FLT3: variants seen among roughly 807,000 people sequenced by gnomAD.
FLT3 encodes fms related receptor tyrosine kinase 3, also known as receptor-type tyrosine-protein kinase FLT3.
Under a neutral mutation model 126.6 loss-of-function variants are expected in FLT3, and 46 were observed. The ratio of observed to expected loss-of-function variants is 0.36; its 90% CI spans 0.29 to 0.46. FLT3 has a LOEUF of 0.46. FLT3 is among the 20% of genes least tolerant of loss of function. The probability of loss-of-function intolerance (pLI) is 1.00; values close to 1 mark genes in which losing one functional copy is unlikely to be tolerated. For synonymous variants in FLT3, 404 were observed against 434.4 expected (o/e 0.93, Z 0.87); for missense variants, 1,069 against 1,190.3 (o/e 0.90, Z 1.50).
At chr13:28,012,997 C>T (rs1038309716) in intron 23 of FLT3, among the ~76,000 whole-genome samples, 29 of 151,810 alleles carry the variant, frequency 1.9e-4, no homozygotes, top group African/African-American at 6.8e-4. Flanking sequence ...CTTTCTTTAC[C>T]AGCTCACTTC....
At chr13:28,090,895 C>G (rs1878987831) in intron 1 of FLT3, among the ~76,000 whole-genome samples, 1 of 152,114 alleles carries the variant, frequency 6.6e-6, no homozygotes, top group Non-Finnish European at 1.5e-5. Flanking sequence ...CAGTTCCAAA[C>G]ACATTCTGAG....
chr13:28,025,095 A>C, intron 17 of FLT3, 152 bp from the exon 18 acceptor site: 1 of 618,918 alleles, frequency 1.6e-6, no homozygotes, highest in Admixed American at 3.1e-5. Context: ...TTTTGTGTAC[A>C]TTAAAAACAT....
At chr13:28,018,151 G>A (rs1280434131) in intron 20 of FLT3, among the ~76,000 whole-genome samples, 2 of 152,138 alleles carry the variant, frequency 1.3e-5, no homozygotes, top group Non-Finnish European at 1.5e-5. Flanking sequence ...TTATAGCTAG[G>A]ATAACTGAAC....
chr13:28,091,260 C>A (rs551679867), intron 1 of FLT3, among the ~76,000 whole-genome samples: 5 of 108,628 alleles, frequency 4.6e-5, no homozygotes, highest in Admixed American at 1.4e-4. Context: ...CTCGCTCTGT[C>A]GCCCAGGCTG....
chr13:28,031,748 G>C (rs1177666334), intron 15 of FLT3, among the ~76,000 whole-genome samples: 2 of 152,152 alleles, frequency 1.3e-5, no homozygotes, highest in Non-Finnish European at 2.9e-5. Context: ...GGACAGTGCT[G>C]GGGGAACTGA....
intron 8 of FLT3, among the ~76,000 whole-genome samples, chr13:28,049,007 C>T (rs1393324937): frequency 6.6e-6 from 1 of 152,124 alleles, no homozygotes; most frequent in Admixed American, 6.5e-5. Flanking sequence ...CCTAACAGTG[C>T]GGTTAGTTGG....
intron 9 of FLT3, among the ~76,000 whole-genome samples, chr13:28,040,837 AT>A (rs35053802): frequency 3.4e-5 from 5 of 148,518 alleles, no homozygotes; most frequent in East Asian, 2.0e-4. Flanking sequence ...TCTCTACAGA[AT>A]TTTTTTTTTT....
In FLT3 at chr13:28,064,551, G is replaced by A. The variant is rs143284893; in HGVS notation, c.166-2482C>T. On this transcript the variant is annotated intron_variant, in intron 2 of 23. Coordinates refer to ENST00000241453, the MANE Select transcript of FLT3 (RefSeq NM_004119.3). ...GGCACTACTGTACTCCAGCCTGGGC[G>A]ACAGAGTGAGACTCCATCTCAAAAA... 7.4e-3 allele frequency among the ~76,000 whole-genome samples: 1,125 copies of A among 151,458 alleles called. 7 individuals carry two copies. Among genetic ancestry groups the A allele is most frequent in the Non-Finnish European group, 0.013 (860 of 67,888 alleles).
rs772078021 is a variant in FLT3, at chr13:28,062,007, G to A, written c.228C>T (p.Tyr76=). 11 of 1,613,122 alleles carry A rather than the reference G, an allele frequency of 6.8e-6. No homozygotes were observed. The highest frequency in any genetic ancestry group is 6.7e-5 in the East Asian group (3 of 44,882). Reference sequence around the variant, plus strand: ...CATCCACTTCCACAGCGGCAGCTTCGTACACTGTCCCTGAGCTCTGGGGTC... The same window carrying A: ...CATCCACTTCCACAGCGGCAGCTTCATACACTGTCCCTGAGCTCTGGGGTC... ...ALRPQSSGTV[Y]EAAAVEVDVS... is the part of the protein sequence containing the mutation. Residue 76 remains tyrosine (Y), a synonymous_variant, in exon 3 of 24, where the codon TAC becomes TAT. Coordinates refer to ENST00000241453, the MANE Select transcript of FLT3 (RefSeq NM_004119.3).
At chr13:28,085,658 A>G (rs965560242) in intron 1 of FLT3, among the ~76,000 whole-genome samples, 10 of 146,502 alleles carry the variant, frequency 6.8e-5, no homozygotes, top group Admixed American at 2.7e-4. Flanking sequence ...TTGATGAATC[A>G]AGCCTTATAA....
chr13:28,099,578 G>A (rs985673682), intron 1 of FLT3, among the ~76,000 whole-genome samples: 4 of 152,154 alleles, frequency 2.6e-5, no homozygotes, highest in Admixed American at 6.6e-5. Context: ...CGCGGAGGCC[G>A]GGGGAGGTGA....
Position 28,048,288 on chromosome 13 carries a change from C to A in FLT3, c.1192G>T (p.Asp398Tyr), listed in dbSNP as rs1875083719. The change falls in exon 9 of 24, where the codon GAT becomes TAT. Residue 398 changes from aspartate (D) to tyrosine (Y), a missense_variant. Physicochemically the swap from Asp to Tyr is radical, Grantham distance 160. Transcript: ENST00000241453. ...KSFPCEQKGLDNGYSISKFCN... is the reference protein window; with the variant it reads ...KSFPCEQKGLYNGYSISKFCN... ...TTGTGGTCTCACCTGTATCCGTTAT[C>A]AAGACCCTTTTGCTCACAAGGAAAT... The A allele has an allele frequency of 1.2e-6, 2 of 1,613,316 alleles. No homozygotes were observed. The highest frequency in any genetic ancestry group is 1.7e-5 in the Admixed American group (1 of 59,916).
At chr13:28,066,349 C>T (rs76280316) in intron 2 of FLT3, among the ~76,000 whole-genome samples, 4,403 of 152,272 alleles carry the variant, frequency 0.029, 115 homozygotes, top group Non-Finnish European at 0.044. Context: ...TGGGCACACC[C>T]AACTCTCAGA....
intron 1 of FLT3, among the ~76,000 whole-genome samples, chr13:28,087,979 T>C (rs190326394): frequency 9.8e-5 from 15 of 152,340 alleles, no homozygotes; most frequent in Admixed American, 6.5e-4. Context: ...TTTGATGTCA[T>C]TTCTGGGTCC....
intron 2 of FLT3, among the ~76,000 whole-genome samples, chr13:28,068,970 A>G (rs947999261): frequency 2.6e-5 from 4 of 152,176 alleles, no homozygotes; most frequent in Non-Finnish European, 5.9e-5. Context: ...GGAATAGCAC[A>G]AGAGAGGGGG....
At chr13:28,024,269 T>C (rs1013075085) in intron 18 of FLT3, among the ~76,000 whole-genome samples, 1 of 152,004 alleles carries the variant, frequency 6.6e-6, no homozygotes, top group Non-Finnish European at 1.5e-5. Flanking sequence ...GTAGCTGGGA[T>C]TGCAGGCGTG....
At chr13:28,084,390 G>A (rs757935407) in intron 1 of FLT3, among the ~76,000 whole-genome samples, 1 of 151,878 alleles carries the variant, frequency 6.6e-6, no homozygotes, top group Non-Finnish European at 1.5e-5. Flanking sequence ...AGTCTCACTC[G>A]TCACCCAGGG....
At chr13:28,052,857 G>A (rs1407380090) in intron 4 of FLT3, among the ~76,000 whole-genome samples, 183 bp from the exon 5 acceptor site, 1 of 152,150 alleles carries the variant, frequency 6.6e-6, no homozygotes, top group Non-Finnish European at 1.5e-5. Flanking sequence ...AGCTGTGGCT[G>A]CAGTGTCAAC....
intron 2 of FLT3, chr13:28,067,633 C>T (rs1877150039): frequency 6.6e-6 from 1 of 152,584 alleles, no homozygotes; most frequent in South Asian, 2.1e-4. Context: ...TGTAATAACA[C>T]TGAAATTCAG....
Sources: allele counts gnomAD v4.1 joint callset (sites outside exome capture counted in the v4.1 genomes callset), GRCh38; gene constraint gnomAD v4.1.1; transcripts MANE v1.5; gene names NCBI Gene and HGNC (gene_info 2026-07-23, HGNC 2026-07-21).